The following ARB2A variants were observed in gnomAD, a reference collection of about 807,000 sequenced individuals.
ARB2A encodes ARB2 cotranscriptional regulator A, also known as cotranscriptional regulator ARB2A.
At chr5:93,895,594 A>G in the ARB2A span, among the ~76,000 whole-genome samples, 1 of 152,144 alleles carries the variant, frequency 6.6e-6, no homozygotes, top group Non-Finnish European at 1.5e-5. Flanking sequence ...AAATCCATAA[A>G]CTAAGTGACT....
At chr5:93,626,244 G>C in the ARB2A span, among the ~76,000 whole-genome samples, 1 of 151,960 alleles carries the variant, frequency 6.6e-6, no homozygotes, top group Non-Finnish European at 1.5e-5. Flanking sequence ...ATAATTTTCT[G>C]GTAAAGCAAA....
chr5:93,791,891 T>C, the ARB2A span, among the ~76,000 whole-genome samples: 1 of 149,934 alleles, frequency 6.7e-6, no homozygotes, highest in East Asian at 1.9e-4. Flanking sequence ...GCAAGCTCCC[T>C]CAACAACAAA....
chr5:94,014,122 C>A, the ARB2A span, among the ~76,000 whole-genome samples: 1 of 152,176 alleles, frequency 6.6e-6, no homozygotes, highest in Admixed American at 6.5e-5. Flanking sequence ...GGAAGTGGAA[C>A]TATCATCCAC....
the ARB2A span, among the ~76,000 whole-genome samples, chr5:94,074,311 T>G: frequency 1.3e-5 from 2 of 152,054 alleles, no homozygotes; most frequent in African/African-American, 4.8e-5. Flanking sequence ...ATCATTACCC[T>G]AATCCAGTAT....
the ARB2A span, among the ~76,000 whole-genome samples, chr5:93,815,091 C>A: frequency 1.3e-5 from 2 of 152,202 alleles, no homozygotes; most frequent in African/African-American, 4.8e-5. Context: ...AATCCTCCTG[C>A]CTCAGCCTCC....
the ARB2A span, among the ~76,000 whole-genome samples, chr5:94,102,007 T>C: frequency 6.6e-6 from 1 of 151,692 alleles, no homozygotes; most frequent in African/African-American, 2.4e-5. Context: ...CCCGTCATAG[T>C]GTAAATAATG....
At chr5:93,715,106 A>G in the ARB2A span, among the ~76,000 whole-genome samples, 1 of 152,220 alleles carries the variant, frequency 6.6e-6, no homozygotes, top group Admixed American at 6.5e-5. Context: ...ATTGTACTCT[A>G]CTTATATGTA....
the ARB2A span, among the ~76,000 whole-genome samples, chr5:93,882,476 A>C: frequency 6.6e-6 from 1 of 151,180 alleles, no homozygotes; most frequent in Admixed American, 6.6e-5. Flanking sequence ...TTGAGCTATT[A>C]AGGCTTTTTT....
At chr5:93,826,192 A>C in the ARB2A span, among the ~76,000 whole-genome samples, 4 of 152,360 alleles carry the variant, frequency 2.6e-5, no homozygotes, top group African/African-American at 7.2e-5. Flanking sequence ...AATACTGATC[A>C]AAAAGCAAAC....
the ARB2A span, among the ~76,000 whole-genome samples, chr5:93,664,625 C>G: frequency 1.4e-5 from 2 of 147,284 alleles, no homozygotes; most frequent in South Asian, 4.3e-4. Context: ...AGCGAGACTT[C>G]GTCTCAAAAA....
At chr5:94,060,806 A>C in the ARB2A span, among the ~76,000 whole-genome samples, 1 of 152,238 alleles carries the variant, frequency 6.6e-6, no homozygotes, top group Non-Finnish European at 1.5e-5. Context: ...AACAAATTAC[A>C]TCAGAACCAA....
the ARB2A span, among the ~76,000 whole-genome samples, chr5:93,925,918 C>T: frequency 6.6e-6 from 1 of 152,134 alleles, no homozygotes; most frequent in Non-Finnish European, 1.5e-5. Flanking sequence ...TCTTTACTTT[C>T]CTCCATTCTG....
chr5:93,938,939 G>A, the ARB2A span, among the ~76,000 whole-genome samples: 1 of 152,002 alleles, frequency 6.6e-6, no homozygotes, highest in Non-Finnish European at 1.5e-5. Flanking sequence ...AAAGTTTAAT[G>A]AAAAGACAAT....
At chr5:93,819,774 A>G in the ARB2A span, among the ~76,000 whole-genome samples, 1 of 152,254 alleles carries the variant, frequency 6.6e-6, no homozygotes, top group Non-Finnish European at 1.5e-5. Context: ...CTGAGAGTAG[A>G]GAGAGGTTGA....
At chr5:94,089,600 C>T in the ARB2A span, among the ~76,000 whole-genome samples, 1 of 120,460 alleles carries the variant, frequency 8.3e-6, no homozygotes, top group African/African-American at 2.9e-5. Flanking sequence ...TTTATACACA[C>T]ACACACACAC....
At chr5:93,853,882 G>C in the ARB2A span, among the ~76,000 whole-genome samples, 1 of 152,114 alleles carries the variant, frequency 6.6e-6, no homozygotes, top group African/African-American at 2.4e-5. Flanking sequence ...GAGGATTTTT[G>C]CATCAATGTT....
At chr5:93,831,999 G>T in the ARB2A span, among the ~76,000 whole-genome samples, 15 of 152,102 alleles carry the variant, frequency 9.9e-5, no homozygotes, top group Non-Finnish European at 1.8e-4. Context: ...CCACAAGGGG[G>T]TCTTTTATAG....
the ARB2A span, among the ~76,000 whole-genome samples, chr5:93,838,706 T>C: frequency 6.6e-6 from 1 of 152,188 alleles, no homozygotes; most frequent in Non-Finnish European, 1.5e-5. Flanking sequence ...GTTTGAGTCA[T>C]CTTTGATTTC....
chr5:93,959,382 G>A, the ARB2A span, among the ~76,000 whole-genome samples: 3 of 152,014 alleles, frequency 2.0e-5, no homozygotes, highest in Non-Finnish European at 4.4e-5. Context: ...TATAGATGAA[G>A]AAATTGAGGC....
Sources: allele counts gnomAD v4.1 joint callset (sites outside exome capture counted in the v4.1 genomes callset), GRCh38; gene constraint gnomAD v4.1.1; transcripts MANE v1.5; gene names NCBI Gene and HGNC (gene_info 2026-07-23, HGNC 2026-07-21).